Variants in FARS2 observed in about 807,000 individuals in gnomAD.
FARS2 encodes the protein phenylalanyl-tRNA synthetase 2, mitochondrial.
FARS2 carries 40 observed loss-of-function variants against 46.4 expected under a neutral mutation model. The ratio of observed to expected loss-of-function variants is 0.86; its 90% confidence interval spans 0.67 to 1.12. FARS2 has a LOEUF of 1.12. Ranked by LOEUF, FARS2 falls within the 50% of genes most tolerant of loss-of-function variation. The pLI, the probability that FARS2 is intolerant of heterozygous loss-of-function variation, is 0.00. For missense variants in FARS2, 513 were observed against 567.9 expected (o/e 0.90, Z 0.98); for synonymous variants, 234 against 214.9 (o/e 1.09, Z -0.78).
chr6:5,490,976 G>A (rs915156384), intron 4 of FARS2, among the ~76,000 whole-genome samples: 5 of 152,216 alleles, frequency 3.3e-5, no homozygotes, highest in African/African-American at 4.8e-5. Context: ...ATCAGAAACT[G>A]TGTGAGATAA....
At chr6:5,457,560 AT>A in intron 4 of FARS2, among the ~76,000 whole-genome samples, 1 of 152,314 alleles carries the variant, frequency 6.6e-6, no homozygotes, top group East Asian at 1.9e-4. Context: ...ATTTGAGAAT[AT>A]TTTTAAACTT....
intron 6 of FARS2, among the ~76,000 whole-genome samples, chr6:5,641,244 G>A (rs1408129347): frequency 6.6e-6 from 1 of 152,058 alleles, no homozygotes; most frequent in Non-Finnish European, 1.5e-5. Flanking sequence ...TGGTGAACCT[G>A]CACTCTGTAA....
intron 4 of FARS2, among the ~76,000 whole-genome samples, chr6:5,440,599 T>G: frequency 6.6e-6 from 1 of 152,218 alleles, no homozygotes; most frequent in East Asian, 1.9e-4. Flanking sequence ...AAAGAGTTGA[T>G]TTTTCCACAC....
chr6:5,533,930 C>T (rs923530188), intron 4 of FARS2, among the ~76,000 whole-genome samples: 1 of 152,168 alleles, frequency 6.6e-6, no homozygotes, highest in African/African-American at 2.4e-5. Context: ...AAATGTTAAG[C>T]AAAATTATTC....
intron 1 of FARS2, among the ~76,000 whole-genome samples, chr6:5,262,522 G>A (rs541778189): frequency 3.2e-4 from 49 of 152,118 alleles, no homozygotes; most frequent in Non-Finnish European, 6.3e-4. Flanking sequence ...CAGGCAATCC[G>A]CCCGCCTCGG....
chr6:5,728,993 C>G (rs1358394866), intron 6 of FARS2, among the ~76,000 whole-genome samples: 1 of 152,178 alleles, frequency 6.6e-6, no homozygotes. Flanking sequence ...GTGGCCTGTT[C>G]TGAAGCCTGC....
intron 4 of FARS2, among the ~76,000 whole-genome samples, chr6:5,432,360 TATA>T (rs1562036635): frequency 2.7e-5 from 3 of 109,232 alleles, no homozygotes; most frequent in African/African-American, 9.9e-5. Flanking sequence ...ATTATATATA[TATA>T]ATATATTATA....
chr6:5,696,207 G>T (rs1214544024), intron 6 of FARS2, among the ~76,000 whole-genome samples: 1 of 152,132 alleles, frequency 6.6e-6, no homozygotes, highest in African/African-American at 2.4e-5. Context: ...TTTAATATAG[G>T]TATTCAAAGA....
rs867519103 is a variant in FARS2 at position 5,630,749 on chromosome 6, G to A, written c.1217+17429G>A. Among the ~76,000 whole-genome samples the A allele has an allele frequency of 2.0e-5, 3 of 152,348 alleles. No individual in the cohort carries two copies. Among genetic ancestry groups the A allele is most frequent in the Middle Eastern group, 6.8e-3 (2 of 294 alleles). Reference sequence around the variant, plus strand: ...ACAGACGTGATGATTGGCTATCAGAGTTCCCCAGCACTGGGGTGGCCCACT... The same window carrying A: ...ACAGACGTGATGATTGGCTATCAGAATTCCCCAGCACTGGGGTGGCCCACT... On this transcript the variant is annotated intron_variant, in intron 6 of 6. Coordinates refer to ENST00000274680, the MANE Select transcript of FARS2 (RefSeq NM_006567.5). The surrounding 1 kb of genome is among the most constrained non-coding windows in gnomAD (Gnocchi z 4.2).
chr6:5,376,603 T>A (rs1000097681), intron 2 of FARS2, among the ~76,000 whole-genome samples: 3 of 152,232 alleles, frequency 2.0e-5, no homozygotes, highest in African/African-American at 7.2e-5. Context: ...TTGAATACTT[T>A]ATAGCAATTA....
chr6:5,387,921 G>C (rs746652342), intron 2 of FARS2, among the ~76,000 whole-genome samples: 82 of 152,202 alleles, frequency 5.4e-4, no homozygotes, highest in African/African-American at 1.7e-3. Flanking sequence ...AATAGTTCTA[G>C]GTTTACAGAA....
At chr6:5,530,965 T>C (rs566778372) in intron 4 of FARS2, among the ~76,000 whole-genome samples, 31 of 150,226 alleles carry the variant, frequency 2.1e-4, no homozygotes, top group Admixed American at 1.7e-3. Flanking sequence ...TAAATATTAA[T>C]AAATGTCAAT....
intron 5 of FARS2, among the ~76,000 whole-genome samples, chr6:5,604,440 C>T (rs560994150): frequency 3.0e-4 from 46 of 152,150 alleles, no homozygotes; most frequent in African/African-American, 9.9e-4. Flanking sequence ...AGCAGGTGCT[C>T]GCAGGTTCAA....
chr6:5,467,150 A>G (rs1160527753), intron 4 of FARS2: 1 of 874,594 alleles, frequency 1.1e-6, no homozygotes, highest in Non-Finnish European at 1.4e-6. Flanking sequence ...ATTAGATTAA[A>G]TGTTTCTATC....
rs186830011 is a variant in FARS2, at chr6:5,580,674, A to G, written c.1066-32495A>G. Among the ~76,000 whole-genome samples, 4 of 152,236 alleles carry G rather than the reference A, an allele frequency of 2.6e-5. No individual in the cohort carries two copies. The East Asian group carries it at 7.7e-4, about 29-fold the overall frequency. On this transcript the variant is annotated intron_variant, in intron 5 of 6. Transcript: ENST00000274680. The stretch of plus-strand genomic sequence containing the variant: ...CTGAGAGATGACTTTGTGTGCAGGG[A>G]TAGTGCTAGGCAGTGCTAGGAGGAT...
intron 2 of FARS2, among the ~76,000 whole-genome samples, chr6:5,369,868 A>G (rs560791484): frequency 1.2e-3 from 168 of 141,902 alleles, no homozygotes; most frequent in African/African-American, 4.3e-3. Flanking sequence ...CGTTGTGTGC[A>G]TCTTTTTTTG....
At chr6:5,379,950 A>G (rs1404642325) in intron 2 of FARS2, among the ~76,000 whole-genome samples, 1 of 152,258 alleles carries the variant, frequency 6.6e-6, no homozygotes, top group Non-Finnish European at 1.5e-5. Context: ...TGTTTTGTGT[A>G]GGTGATAAGT....
At chr6:5,379,782 T>A (rs544531300) in intron 2 of FARS2, among the ~76,000 whole-genome samples, 14 of 152,366 alleles carry the variant, frequency 9.2e-5, no homozygotes, top group African/African-American at 3.1e-4. Flanking sequence ...ACTGCAGATC[T>A]GGGCAAAAGA....
chr6:5,756,879 C>T (rs1474670251), intron 6 of FARS2, among the ~76,000 whole-genome samples: 2 of 152,182 alleles, frequency 1.3e-5, no homozygotes, highest in Non-Finnish European at 2.9e-5. Flanking sequence ...GCCACCTGTC[C>T]AAAACACACA....
Sources: gnomAD v4.1 joint callset for allele counts (sites outside exome capture counted in the v4.1 genomes callset) on GRCh38, gnomAD v4.1.1 for gene constraint, Gnocchi (gnomAD v3.1) non-coding constraint, MANE v1.5 for transcripts, NCBI Gene and HGNC (gene_info 2026-07-23, HGNC 2026-07-21) for gene names.